STAM: variants seen among roughly 807,000 people sequenced by gnomAD.
The protein encoded by STAM is signal transducing adaptor molecule, also known as signal transducing adapter molecule 1.
A neutral mutation model predicts 63.4 loss-of-function variants in STAM; 16 were observed. The observed-to-expected ratio is 0.25, with a 90% confidence interval of 0.17 to 0.38. The LOEUF is 0.38. STAM is among the 10% of genes least tolerant of loss of function. The pLI, the probability that STAM is intolerant of heterozygous loss-of-function variation, is 1.00. For missense variants in STAM, 636 were observed against 657.1 expected, an observed-to-expected ratio of 0.97 and a Z score of 0.35; for synonymous variants, 238 against 223.9, an observed-to-expected ratio of 1.06 and a Z score of -0.56.
intron 2 of STAM, among the ~76,000 whole-genome samples, chr10:17,684,335 A>C (rs552378640): frequency 6.6e-6 from 1 of 152,244 alleles, no homozygotes; most frequent in South Asian, 2.1e-4. Context: ...CCAGTTTTCT[A>C]ATTGTTTACA....
chr10:17,656,288 C>T (rs185088818), intron 1 of STAM, among the ~76,000 whole-genome samples: 2,352 of 139,852 alleles, frequency 0.017, 63 homozygotes, highest in African/African-American at 0.06. Context: ...AGCGAGACTC[C>T]GTCTTAAAAA....
At position 17,673,289 on chromosome 10, in the gene STAM, T is replaced by TTAG. The variant is rs201390969; in HGVS notation, c.126-11385_126-11383dup. Among the ~76,000 whole-genome samples the TTAG allele has an allele frequency of 7.2e-5, 11 of 152,336 alleles. No individual in the cohort carries two copies. The East Asian group carries it at 2.1e-3, about 29-fold the overall frequency. On this transcript the variant is annotated intron_variant, in intron 2 of 13. Coordinates refer to ENST00000377524, the MANE Select transcript of STAM (RefSeq NM_003473.4). ...TTATGAAAGGATGTATGTTTTCCAC[T>TTAG]TAGCGAACTCAGTGGAAGATACACA...
intron 1 of STAM, among the ~76,000 whole-genome samples, chr10:17,658,197 GT>G (rs145749574): frequency 0.12 from 17,491 of 148,990 alleles, 1,104 homozygotes; most frequent in Middle Eastern, 0.16. Flanking sequence ...TTTCTTTTAA[GT>G]TTTTTTTTTA....
intron 4 of STAM, 59 bp from the exon 5 acceptor site, chr10:17,687,968 C>T: frequency 1.5e-6 from 2 of 1,372,258 alleles, no homozygotes; most frequent in Non-Finnish European, 1.9e-6. Flanking sequence ...TTTAAAATGT[C>T]TGTATTAAAT....
At chr10:17,713,033 G>C (rs1836628572) in intron 13 of STAM, among the ~76,000 whole-genome samples, 1 of 152,110 alleles carries the variant, frequency 6.6e-6, no homozygotes, top group Non-Finnish European at 1.5e-5. Flanking sequence ...AAGAACCCTG[G>C]TGATGCCCAT....
intron 1 of STAM, among the ~76,000 whole-genome samples, chr10:17,659,020 T>C (rs565444183): frequency 3.3e-5 from 5 of 152,340 alleles, no homozygotes; most frequent in African/African-American, 1.2e-4. Flanking sequence ...ATTTTCTATT[T>C]CACTCTTTTT....
At chr10:17,713,057 C>G in intron 13 of STAM, among the ~76,000 whole-genome samples, 1 of 152,198 alleles carries the variant, frequency 6.6e-6, no homozygotes, top group Non-Finnish European at 1.5e-5. Context: ...GCTAGACTCC[C>G]GGTCAGTTCA....
intron 2 of STAM, among the ~76,000 whole-genome samples, chr10:17,668,212 T>A (rs1312361793): frequency 2.0e-5 from 3 of 152,104 alleles, no homozygotes; most frequent in African/African-American, 7.2e-5. Context: ...CATTTGAGAT[T>A]TTTAAATAAA....
At chr10:17,668,195 G>A (rs1249353789) in intron 2 of STAM, among the ~76,000 whole-genome samples, 2 of 152,210 alleles carry the variant, frequency 1.3e-5, no homozygotes, top group Non-Finnish European at 2.9e-5. Flanking sequence ...ATTGACAGGT[G>A]AAGGGGCATT....
chr10:17,644,300 C>T lies in STAM; in HGVS notation c.-40C>T, dbSNP rs781851628. ...CGTCGAGCTCTGACTCCCGTGCTGT[C>T]GAGAGGGAGTCCCCGGGGACACCTC... On this transcript the variant is annotated 5_prime_UTR_variant, in exon 1 of 14. Coordinates refer to ENST00000377524, the MANE Select transcript of STAM (RefSeq NM_003473.4). The T allele has an allele frequency of 3.7e-6, 6 of 1,610,796 alleles. No homozygotes were observed. Among genetic ancestry groups the T allele is most frequent in the Admixed American group, 3.3e-5 (2 of 59,976 alleles).
At chr10:17,676,286 G>A (rs1554824652) in intron 2 of STAM, among the ~76,000 whole-genome samples, 1 of 152,144 alleles carries the variant, frequency 6.6e-6, no homozygotes, top group Non-Finnish European at 1.5e-5. Context: ...GTGGTATAAT[G>A]GGGCAGGAGT....
intron 2 of STAM, among the ~76,000 whole-genome samples, chr10:17,661,951 A>G (rs1554822923): frequency 6.6e-6 from 1 of 152,194 alleles, no homozygotes; most frequent in African/African-American, 2.4e-5. Flanking sequence ...GACCTGGTTC[A>G]TTAATTTAAT....
intron 9 of STAM, among the ~76,000 whole-genome samples, chr10:17,702,338 A>G (rs1382736272): frequency 3.3e-5 from 5 of 152,156 alleles, no homozygotes; most frequent in Non-Finnish European, 2.9e-5. Flanking sequence ...TTGGAGGGGA[A>G]ATTGAGTAGA....
In STAM at chr10:17,667,543, C is replaced by G. The variant is rs1388877097; in HGVS notation, c.125+6995C>G. ...GTTCGTCATTTTTTCTTTTATTTGT[C>G]AAATACTGAATGCCAAATATCATGC... is the stretch of plus-strand genomic sequence containing the variant. On this transcript the variant is annotated intron_variant, in intron 2 of 13. Coordinates refer to ENST00000377524, the MANE Select transcript of STAM (RefSeq NM_003473.4). Among the ~76,000 whole-genome samples the G allele has an allele frequency of 2.6e-5, 4 of 152,224 alleles. No individual in the cohort carries two copies. In the East Asian group the frequency reaches 5.8e-4, roughly 22 times the overall value.
intron 1 of STAM, among the ~76,000 whole-genome samples, chr10:17,648,230 A>C (rs1265288172): frequency 6.6e-6 from 1 of 152,214 alleles, no homozygotes; most frequent in African/African-American, 2.4e-5. Flanking sequence ...AGGGGATTGT[A>C]AAATGCACCG....
intron 8 of STAM, among the ~76,000 whole-genome samples, chr10:17,697,525 G>A (rs1835814248): frequency 6.6e-6 from 1 of 152,178 alleles, no homozygotes; most frequent in Admixed American, 6.5e-5. Context: ...TGCTGAGTAG[G>A]ATAATAAACT....
intron 13 of STAM, among the ~76,000 whole-genome samples, chr10:17,712,078 TG>T (rs1836580680): frequency 6.6e-6 from 1 of 152,216 alleles, no homozygotes; most frequent in Non-Finnish European, 1.5e-5. Flanking sequence ...CCCAGGCAAC[TG>T]GGTGGACGGT....
intron 2 of STAM, among the ~76,000 whole-genome samples, chr10:17,682,833 G>A (rs1328375704): frequency 1.3e-5 from 2 of 152,146 alleles, no homozygotes; most frequent in East Asian, 1.9e-4. Context: ...CATTGAGGGG[G>A]CATGTTGAAG....
intron 2 of STAM, among the ~76,000 whole-genome samples, chr10:17,676,806 C>G (rs1222297602): frequency 6.6e-6 from 1 of 152,118 alleles, no homozygotes; most frequent in Non-Finnish European, 1.5e-5. Flanking sequence ...GAAGTATACT[C>G]ACGTTAAATT....
Sources: allele counts gnomAD v4.1 joint callset (sites outside exome capture counted in the v4.1 genomes callset), GRCh38; gene constraint gnomAD v4.1.1; transcripts MANE v1.5; gene names NCBI Gene and HGNC (gene_info 2026-07-23, HGNC 2026-07-21).